PDE7B: variants seen among roughly 807,000 people sequenced by gnomAD.
PDE7B encodes 3',5'-cyclic-AMP phosphodiesterase 7B.
A neutral mutation model predicts 56.2 loss-of-function variants in PDE7B; 29 were observed. The ratio of observed to expected loss-of-function variants is 0.52; its 90% CI spans 0.38 to 0.70. The LOEUF is 0.70. PDE7B is among the 30% of genes least tolerant of loss of function. PDE7B has a pLI of 0.00. For missense variants in PDE7B, 490 were observed against 565.0 expected (o/e 0.87, Z 1.35); for synonymous variants, 197 against 196.9 (o/e 1.00, Z 0.00).
intron 2 of PDE7B, among the ~76,000 whole-genome samples, chr6:136,022,277 C>T (rs939715569): frequency 1.3e-5 from 2 of 152,168 alleles, no homozygotes; most frequent in African/African-American, 2.4e-5. Flanking sequence ...TGCTTTTCAA[C>T]GTGTTTACTT....
intron 2 of PDE7B, among the ~76,000 whole-genome samples, chr6:135,994,001 G>C (rs1005444772): frequency 9.3e-4 from 142 of 152,282 alleles, no homozygotes; most frequent in African/African-American, 3.3e-3. Flanking sequence ...AGAAATCTAA[G>C]AGGGATCCCA....
At chr6:135,886,969 T>C (rs530860049) in intron 1 of PDE7B, among the ~76,000 whole-genome samples, 1 of 152,300 alleles carries the variant, frequency 6.6e-6, no homozygotes, top group East Asian at 1.9e-4. Context: ...GTTGTACTAA[T>C]TTACATTCCC....
chr6:136,074,435 G>A (rs918827210), intron 2 of PDE7B, among the ~76,000 whole-genome samples: 8 of 152,030 alleles, frequency 5.3e-5, no homozygotes, highest in East Asian at 3.9e-4. Context: ...TGTGTTACAA[G>A]CAATCCAATT....
intron 2 of PDE7B, chr6:136,049,319 C>A: frequency 1.3e-5 from 2 of 152,512 alleles, no homozygotes; most frequent in South Asian, 3.9e-4. Context: ...CCAGGCTGGT[C>A]TTGAGTTCCT....
At chr6:136,165,409 G>A (rs1354434379) in intron 8 of PDE7B, 1 of 151,904 alleles carries the variant, frequency 6.6e-6, no homozygotes, top group African/African-American at 2.4e-5. Flanking sequence ...ACATTGAAAA[G>A]GCCCTCTCTC....
intron 12 of PDE7B, among the ~76,000 whole-genome samples, chr6:136,189,555 G>A (rs1290557054): frequency 1.3e-5 from 2 of 151,840 alleles, no homozygotes; most frequent in East Asian, 3.9e-4. Context: ...TGGGCGACAG[G>A]GTGAGACCCC....
chr6:135,920,528 G>A (rs1485824801), intron 1 of PDE7B, among the ~76,000 whole-genome samples: 1 of 152,166 alleles, frequency 6.6e-6, no homozygotes, highest in South Asian at 2.1e-4. Context: ...AGTCTCTCTG[G>A]ACTATTTTTG....
intron 1 of PDE7B, among the ~76,000 whole-genome samples, chr6:135,864,966 G>A (rs1775226400): frequency 8.3e-6 from 1 of 120,272 alleles, no homozygotes; most frequent in African/African-American, 3.2e-5. Flanking sequence ...AACAGGCCCT[G>A]GTGTGTGATG....
intron 2 of PDE7B, among the ~76,000 whole-genome samples, chr6:135,996,369 GAAAT>G (rs1775564830): frequency 6.6e-6 from 1 of 152,154 alleles, no homozygotes. Flanking sequence ...ACTTCAGTCA[GAAAT>G]TCACTGATTC....
At chr6:136,150,970 T>C (rs987531845) in intron 5 of PDE7B, among the ~76,000 whole-genome samples, 190 bp from the exon 6 acceptor site, 2 of 152,186 alleles carry the variant, frequency 1.3e-5, no homozygotes, top group Non-Finnish European at 2.9e-5. Flanking sequence ...TAATTTTACT[T>C]GTACAATAAG....
At chr6:135,877,616 C>A (rs1018569251) in intron 1 of PDE7B, among the ~76,000 whole-genome samples, 9 of 151,978 alleles carry the variant, frequency 5.9e-5, no homozygotes. Context: ...ACAATAAAAC[C>A]CTAACCCTAT....
rs547399616 is a variant in PDE7B, at chr6:135,931,139, G to A, written c.22-16325G>A. On this transcript the variant is annotated intron_variant, in intron 1 of 12. Coordinates refer to ENST00000308191, the MANE Select transcript of PDE7B (RefSeq NM_018945.4). ...AAAAACCACATACAGGTTCAAATTC[G>A]AAGATAAAGACTAGTAATGATTTCC... 4.6e-5 allele frequency among the ~76,000 whole-genome samples: 7 copies of A among 152,250 alleles called. No individual in the cohort carries two copies. The South Asian group carries it at 6.2e-4, about 14-fold the overall frequency.
intron 2 of PDE7B, among the ~76,000 whole-genome samples, chr6:136,100,662 T>C (rs1240558667): frequency 2.0e-5 from 3 of 152,180 alleles, no homozygotes; most frequent in Non-Finnish European, 4.4e-5. Context: ...CTTAAGGAGA[T>C]TTTGGGCTGA....
rs1211757899 is a variant in PDE7B, at chr6:136,195,237, C to T, written c.*3397C>T. On this transcript the variant is annotated 3_prime_UTR_variant, in exon 13 of 13. Transcript: ENST00000308191. ...CCAGGTTATTTCTCCCTGCTTATGG[C>T]TCCCCGCAAAGGGACTTGCAGCGTG... is the stretch of plus-strand genomic sequence containing the variant. The T allele has an allele frequency of 1.3e-5, 2 of 152,128 alleles. No individual in the cohort carries two copies. The highest frequency in any genetic ancestry group is 4.8e-5 in the African/African-American group (2 of 41,428). 9.4% of individuals were successfully genotyped at this position (152,128 alleles called of 1,614,324 possible).
intron 2 of PDE7B, chr6:136,049,436 C>T (rs1230305135): frequency 6.6e-6 from 1 of 151,846 alleles, no homozygotes; most frequent in East Asian, 1.9e-4. Flanking sequence ...TCTTCCCACA[C>T]TAGATGCCAC....
chr6:136,192,869 A>G lies in PDE7B; in HGVS notation c.*1029A>G, dbSNP rs1779252662. Reference sequence around the variant, plus strand: ...TAAATCCTCATAGATGTCTTTCTCAACTGCCTTCCCATGTTCATCTGTATG... The same window carrying G: ...TAAATCCTCATAGATGTCTTTCTCAGCTGCCTTCCCATGTTCATCTGTATG... On this transcript the variant is annotated 3_prime_UTR_variant, in exon 13 of 13. Coordinates refer to ENST00000308191, the MANE Select transcript of PDE7B (RefSeq NM_018945.4). 6.6e-6 allele frequency: 1 copy of G among 152,360 alleles called. No homozygotes were observed. 9.4% of individuals were successfully genotyped at this position (152,360 alleles called of 1,614,324 possible). A position where few individuals can be genotyped will look rare whatever the true frequency, so the allele number is the denominator to read the frequency against.
At chr6:135,987,282 G>C (rs1454247585) in intron 2 of PDE7B, among the ~76,000 whole-genome samples, 1 of 152,096 alleles carries the variant, frequency 6.6e-6, no homozygotes, top group Non-Finnish European at 1.5e-5. Context: ...GAATGTCTCT[G>C]GGTTGACAGC....
At chr6:135,930,287 T>C (rs184732806) in intron 1 of PDE7B, among the ~76,000 whole-genome samples, 1 of 152,238 alleles carries the variant, frequency 6.6e-6, no homozygotes, top group Admixed American at 6.5e-5. Flanking sequence ...CCTGGCCCCA[T>C]GATTCAGTTA....
chr6:135,852,040 C>A (rs373467905), intron 1 of PDE7B, 21 bp downstream of exon 1: 1 of 1,579,384 alleles, frequency 6.3e-7, no homozygotes, highest in Admixed American at 1.7e-5. Flanking sequence ...CAAATTTAAG[C>A]GGCAAGCTCA....
Sources: gnomAD v4.1 joint callset for allele counts (sites outside exome capture counted in the v4.1 genomes callset) on GRCh38, gnomAD v4.1.1 for gene constraint, MANE v1.5 for transcripts, NCBI Gene and HGNC (gene_info 2026-07-23, HGNC 2026-07-21) for gene names.